MDM1: variants seen among roughly 807,000 people sequenced by gnomAD.
MDM1 encodes stabilizer of axonemal microtubules 6.
MDM1 carries 61 observed loss-of-function variants against 89.1 expected under a neutral mutation model. The observed-to-expected ratio is 0.68, with a 90% CI of 0.56 to 0.85. MDM1 has a LOEUF of 0.85. Ranked by LOEUF, MDM1 falls within the 40% of genes least tolerant of loss-of-function variation. The pLI is 0.00. For missense variants in MDM1, 820 were observed against 846.5 expected, an observed-to-expected ratio of 0.97 and a Z score of 0.39; for synonymous variants, 290 against 294.1, an observed-to-expected ratio of 0.99 and a Z score of 0.14.
intron 13 of MDM1, among the ~76,000 whole-genome samples, chr12:68,298,542 G>A (rs1372077437): frequency 6.6e-6 from 1 of 152,164 alleles, no homozygotes; most frequent in East Asian, 1.9e-4. Context: ...TGTGCCTATA[G>A]ACAGCCTTCC....
At chr12:68,330,545 C>T (rs1186265535) in intron 2 of MDM1, among the ~76,000 whole-genome samples, 1 of 152,172 alleles carries the variant, frequency 6.6e-6, no homozygotes, top group African/African-American at 2.4e-5. Context: ...AGTAAATTTA[C>T]TTAATCTAAA....
chr12:68,314,370 A>G (rs954110348), intron 10 of MDM1, among the ~76,000 whole-genome samples: 1 of 152,204 alleles, frequency 6.6e-6, no homozygotes, highest in East Asian at 1.9e-4. Flanking sequence ...AATGGGGAAA[A>G]TCACTGCCAA....
chr12:68,327,197 T>A (rs1261085513), intron 2 of MDM1, 176 bp from the exon 3 acceptor site: 1 of 1,396,106 alleles, frequency 7.2e-7, no homozygotes, highest in Non-Finnish European at 9.3e-7. Flanking sequence ...CTTTTCAACA[T>A]AAAATATTTA....
At chr12:68,326,621 T>C in intron 3 of MDM1, 36 bp downstream of exon 3, 2 of 1,614,134 alleles carry the variant, frequency 1.2e-6, no homozygotes, top group Non-Finnish European at 1.7e-6. Context: ...TGAAGAATTC[T>C]ATGCTTTTGA....
At chr12:68,303,605 G>A (rs888743088) in intron 12 of MDM1, among the ~76,000 whole-genome samples, 2 of 152,136 alleles carry the variant, frequency 1.3e-5, no homozygotes, top group Non-Finnish European at 2.9e-5. Flanking sequence ...AGAAATTTGA[G>A]TAAAAATTAG....
chr12:68,326,465 T>C (rs1875993073), intron 3 of MDM1, 192 bp downstream of exon 3: 1 of 1,480,044 alleles, frequency 6.8e-7, no homozygotes, highest in Non-Finnish European at 8.9e-7. Context: ...TACTACAAAA[T>C]AGCGAGTAGT....
intron 5 of MDM1, among the ~76,000 whole-genome samples, chr12:68,322,127 T>C (rs944737668): frequency 3.3e-5 from 5 of 152,224 alleles, no homozygotes; most frequent in African/African-American, 1.2e-4. Flanking sequence ...ACATACTTTC[T>C]ATTTTTAGGA....
intron 4 of MDM1, among the ~76,000 whole-genome samples, chr12:68,324,062 CAT>C (rs1235581289): frequency 6.6e-6 from 1 of 152,104 alleles, no homozygotes; most frequent in Non-Finnish European, 1.5e-5. Flanking sequence ...CTCTTCAATC[CAT>C]AGACTCTGAA....
chr12:68,323,038 G>T, intron 5 of MDM1, 35 bp downstream of exon 5: 1 of 1,567,130 alleles, frequency 6.4e-7, no homozygotes, highest in South Asian at 1.2e-5. Flanking sequence ...AAATAACGGG[G>T]ATTTTGTTTT....
chr12:68,300,914 C>T (rs1042141770), intron 13 of MDM1, among the ~76,000 whole-genome samples: 2 of 152,162 alleles, frequency 1.3e-5, no homozygotes, highest in African/African-American at 4.8e-5. Context: ...ACATGACAAG[C>T]CACAGACAAG....
Position 68,320,247 on chromosome 12 carries a change from CG to C in MDM1, c.1005+1099del, listed in dbSNP as rs534078210. Among the ~76,000 whole-genome samples, 38 of 152,334 alleles carry C rather than the reference CG, an allele frequency of 2.5e-4. 1 individual carries two copies. The East Asian group carries it at 6.9e-3, about 28-fold the overall frequency. On this transcript the variant is annotated intron_variant, in intron 7 of 14. Transcript: ENST00000682720. ...CTGACTCACTGCCTTTCTTCCATCA[CG>C]GGTGCTTTCGATGCTCCTAGTTTTA...
intron 3 of MDM1, chr12:68,326,356 C>T (rs898983485): frequency 3.5e-6 from 5 of 1,412,568 alleles, no homozygotes; most frequent in Non-Finnish European, 4.6e-6. Context: ...CCTTCTCTGT[C>T]TCAACTTGAT....
chr12:68,316,412 A>G (rs1231005184), intron 8 of MDM1, 159 bp from the exon 9 acceptor site: 1 of 967,754 alleles, frequency 1.0e-6, no homozygotes, highest in East Asian at 2.6e-5. Context: ...CATTTAAGCA[A>G]AAACTAAAAC....
chr12:68,303,538 T>C (rs141980397), intron 12 of MDM1, among the ~76,000 whole-genome samples: 30 of 152,300 alleles, frequency 2.0e-4, no homozygotes, highest in African/African-American at 7.2e-4. Context: ...AACAAAAATG[T>C]AGTTACAGAT....
At chr12:68,305,869 G>A (rs1872795759) in intron 12 of MDM1, among the ~76,000 whole-genome samples, 1 of 141,118 alleles carries the variant, frequency 7.1e-6, no homozygotes, top group African/African-American at 2.6e-5. Context: ...AATTACCAAT[G>A]TCATTTTTCA....
chr12:68,295,174 C>A lies in MDM1; in HGVS notation c.*80G>T. ...AAGTAGAAAACGTTAGGAAAAACTT[C>A]ACTCAAAAAATTTTAACACAGTAAG... On this transcript the variant is annotated 3_prime_UTR_variant, in exon 15 of 15. Transcript: ENST00000682720. 4.8e-6 allele frequency: 4 copies of A among 838,598 alleles called. No individual in the cohort carries two copies. The highest frequency in any genetic ancestry group is 3.4e-5 in the South Asian group (2 of 59,614). 51.9% of individuals were successfully genotyped at this position (838,598 alleles called of 1,614,324 possible). A position where few individuals can be genotyped will look rare whatever the true frequency, so the allele number is the denominator to read the frequency against.
chr12:68,327,660 G>A, intron 2 of MDM1: 2 of 706,670 alleles, frequency 2.8e-6, no homozygotes, highest in Non-Finnish European at 4.7e-6. Flanking sequence ...GACTGCCCTA[G>A]TTTAGGGCCA....
At chr12:68,305,418 G>A (rs1444680744) in intron 12 of MDM1, among the ~76,000 whole-genome samples, 2 of 151,884 alleles carry the variant, frequency 1.3e-5, no homozygotes, top group African/African-American at 2.4e-5. Context: ...CAGAGCAATC[G>A]GGCAAGAAAA....
Position 68,316,125 on chromosome 12 carries a change from G to A in MDM1, c.1164C>T (p.Ser388=). The A allele has an allele frequency of 6.2e-7, 1 of 1,613,940 alleles. No homozygotes were observed. The change falls in exon 9 of 15, where the codon AGC becomes AGT. Residue 388 remains serine, a synonymous_variant. Coordinates refer to ENST00000682720, the MANE Select transcript of MDM1 (RefSeq NM_001354969.2). The part of the protein sequence containing the change: ...NCCWDVSSTT[S]SEGTVSSNIR... ...TGTTGCTACTAACGGTTCCTTCTGA[G>A]CTTGTGGTTGAGGAGACATCCCAAC...
Sources: gnomAD v4.1 joint callset for allele counts (sites outside exome capture counted in the v4.1 genomes callset) on GRCh38, gnomAD v4.1.1 for gene constraint, MANE v1.5 for transcripts, NCBI Gene and HGNC (gene_info 2026-07-23, HGNC 2026-07-21) for gene names.